The following SEMA6C variants were observed in gnomAD, a reference collection of about 807,000 sequenced individuals.
SEMA6C encodes semaphorin-6C.
In SEMA6C, 37 loss-of-function variants were observed where a neutral mutation model predicts 72.9. That is an observed-to-expected ratio of 0.51 (90% CI 0.39 to 0.67). SEMA6C has a LOEUF of 0.67. Among genes scored for constraint, SEMA6C ranks in the 30% least tolerant of loss-of-function variants. The pLI is 0.00. For missense variants in SEMA6C, 1,189 were observed against 1,263.6 expected (o/e 0.94, Z 0.89); for synonymous variants, 578 against 554.1 (o/e 1.04, Z -0.61).
rs1010599301 is a variant in SEMA6C at position 151,146,608 on chromosome 1, C to T, written c.-280G>A. ...GGAGAGCCCTGGGTCCAAGTCCAGC[C>T]GCGGATCCGCGGAGGAAAACAATGC... On this transcript the variant is annotated 5_prime_UTR_variant, in exon 1 of 19. Coordinates refer to ENST00000368914, the MANE Select transcript of SEMA6C (RefSeq NM_030913.6). This position sits in a 1 kb window ranked among gnomAD's most constrained non-coding sequence, Gnocchi z 4.6. 6.6e-6 allele frequency: 1 copy of T among 152,226 alleles called. No individual in the cohort carries two copies. The highest frequency in any genetic ancestry group is 2.4e-5 in the African/African-American group (1 of 41,464). 9.4% of individuals were successfully genotyped at this position (152,226 alleles called of 1,614,324 possible).
intron 3 of SEMA6C, among the ~76,000 whole-genome samples, chr1:151,140,771 G>T (rs1345263619): frequency 1.3e-5 from 2 of 152,202 alleles, no homozygotes; most frequent in Non-Finnish European, 2.9e-5. Context: ...GAGGCGGGCG[G>T]ATCACAAGGT....
intron 5 of SEMA6C, 25 bp downstream of exon 5, chr1:151,139,612 GC>G (rs1001539867): frequency 1.2e-5 from 20 of 1,605,604 alleles, no homozygotes; most frequent in Non-Finnish European, 1.7e-5. Context: ...CTCCACGTCT[GC>G]ACCTCTTCCC....
chr1:151,139,650 C>T lies in SEMA6C; in HGVS notation c.285G>A (p.Leu95=), dbSNP rs373444303. ...DLQAEEEGEG[L]VPNKYLTWRS... is the part of the protein sequence containing the mutation. ...CACAGCCCCTCACCTTGTTGGGCAC[C>T]AGCCCCTCCCCTTCTTCTTCGGCTT... The change falls in exon 5 of 19, where the codon CTG becomes CTA. Residue 95 remains leucine, a synonymous_variant. Coordinates refer to ENST00000368914, the MANE Select transcript of SEMA6C (RefSeq NM_030913.6). 3.9e-5 allele frequency: 63 copies of T among 1,607,232 alleles called. No homozygotes were observed. Among genetic ancestry groups the T allele is most frequent in the Non-Finnish European group, 5.2e-5 (61 of 1,174,934 alleles).
At chr1:151,137,409 G>A (rs1451609673) in intron 10 of SEMA6C, among the ~76,000 whole-genome samples, 2 of 138,712 alleles carry the variant, frequency 1.4e-5, no homozygotes, top group East Asian at 2.2e-4. Flanking sequence ...TGGCGCCACT[G>A]CACTCCAGCC....
chr1:151,140,813 T>C (rs1264480432), intron 3 of SEMA6C, among the ~76,000 whole-genome samples: 1 of 152,134 alleles, frequency 6.6e-6, no homozygotes, highest in Non-Finnish European at 1.5e-5. Flanking sequence ...GCTAACATGG[T>C]GAAACCCCAT....
At position 151,136,520 on chromosome 1, in the gene SEMA6C, C is replaced by G. The variant is rs1211588372; in HGVS notation, c.1034G>C (p.Gly345Ala). The change falls in exon 12 of 19, where the codon GGC becomes GCC. Residue 345 changes from glycine to alanine, a missense_variant. This residue lies in a region of SEMA6C where 468 missense variants were observed against 577.4 expected (regional missense o/e 0.81). Coordinates refer to ENST00000368914, the MANE Select transcript of SEMA6C (RefSeq NM_030913.6). ...YLDEIERGFEGKFKEQRSLDG... is the reference protein window; with the variant it reads ...YLDEIERGFEAKFKEQRSLDG... ...CAGACTCCTCTGCTCCTTGAACTTG[C>G]CCTCAAACCCACGCTCAATCTCATC... is the stretch of plus-strand genomic sequence containing the variant. 1 of 1,614,000 alleles carries G rather than the reference C, an allele frequency of 6.2e-7. No homozygotes were observed. Among genetic ancestry groups the G allele is most frequent in the South Asian group, 1.1e-5 (1 of 91,072 alleles).
chr1:151,137,082 A>G lies in SEMA6C; in HGVS notation c.757-8T>C, dbSNP rs1232779192. The stretch of plus-strand genomic sequence containing the variant: ...TACGCGGGAGAACTGCACCTAGGGG[A>G]GGAGAGTGGAGTAGACAATGGTGAG... On this transcript the variant is annotated splice_region_variant and splice_polypyrimidine_tract_variant and intron_variant, in intron 10 of 18. Coordinates refer to ENST00000368914, the MANE Select transcript of SEMA6C (RefSeq NM_030913.6). 6 of 1,611,460 alleles carry G rather than the reference A, an allele frequency of 3.7e-6. No individual in the cohort carries two copies. Among genetic ancestry groups the G allele is most frequent in the Admixed American group, 1.7e-5 (1 of 59,990 alleles).
At position 151,140,075 on chromosome 1, in the gene SEMA6C, G is replaced by A. The variant is rs760459222; in HGVS notation, c.134C>T (p.Ser45Phe). The A allele has an allele frequency of 6.2e-7, 1 of 1,613,932 alleles. No homozygotes were observed. The highest frequency in any genetic ancestry group is 8.5e-7 in the Non-Finnish European group (1 of 1,179,902). Residue 45 changes from serine (S) to phenylalanine (F), a missense_variant, in exon 4 of 19, where the codon TCC (serine) becomes TTC (phenylalanine). Transcript: ENST00000368914. ...ATCATCCTCCAGGCCCCGAAACCAG[G>A]ATAATGGGGAAGTACCTTGAGGACA... ...ISDLQGTSPL[S>F]WFRGLEDDAV...
Position 151,134,875 on chromosome 1 carries a change from C to G in SEMA6C, c.1581G>C (p.Arg527Ser), listed in dbSNP as rs1681889421. 2 of 1,613,750 alleles carry G rather than the reference C, an allele frequency of 1.2e-6. No individual in the cohort carries two copies. The highest frequency in any genetic ancestry group is 1.7e-6 in the Non-Finnish European group (2 of 1,179,654). Residue 527 changes from arginine to serine, a missense_variant and splice_region_variant, in exon 16 of 19, where the codon AGG becomes AGC. Around this residue, in one of 2 missense-constraint regions of SEMA6C, gnomAD observed 721 missense variants for 686.2 expected, o/e 1.05. Transcript: ENST00000368914. ...SRCARHGACQ[R>S]SCLASQDPYC... is the part of the protein sequence containing the mutation. ...ATGGGTCCTGAGAAGCCAAACAGCT[C>G]CTAGGGAAAACGGAGGTGTGTGAGG...
rs748984884 is a variant in SEMA6C, at chr1:151,139,647, C to T, written c.288G>A (p.Val96=). The T allele has an allele frequency of 6.2e-7, 1 of 1,607,414 alleles. No homozygotes were observed. Among genetic ancestry groups the T allele is most frequent in the South Asian group, 1.1e-5 (1 of 90,646 alleles). ...LQAEEEGEGL[V]PNKYLTWRSQ... ...CCACACAGCCCCTCACCTTGTTGGG[C>T]ACCAGCCCCTCCCCTTCTTCTTCGG... The change falls in exon 5 of 19, where the codon GTG becomes GTA. Residue 96 remains valine (V), a synonymous_variant. Coordinates refer to ENST00000368914, the MANE Select transcript of SEMA6C (RefSeq NM_030913.6).
chr1:151,135,971 A>G, intron 13 of SEMA6C, 40 bp downstream of exon 13: 1 of 1,612,602 alleles, frequency 6.2e-7, no homozygotes, highest in Non-Finnish European at 8.5e-7. Context: ...AGGGTGGCTG[A>G]GAACAGGGAG....
At position 151,137,737 on chromosome 1, in the gene SEMA6C, A is replaced by G. The variant is rs1354631668; in HGVS notation, c.730T>C (p.Ser244Pro). The G allele has an allele frequency of 3.7e-6, 6 of 1,613,590 alleles. No individual in the cohort carries two copies. Among genetic ancestry groups the G allele is most frequent in the Non-Finnish European group, 5.1e-6 (6 of 1,179,734 alleles). Residue 244 changes from serine to proline, a missense_variant, in exon 10 of 19, where the codon TCT (serine) becomes CCT (proline). Physicochemically the swap from Ser to Pro is moderately conservative, Grantham distance 74. Transcript: ENST00000368914. Reference protein sequence around the residue: ...DHVYFFFREVSVEDARLGRVQ... With the variant: ...DHVYFFFREVPVEDARLGRVQ... ...CTCCCCAGCCGAGCATCCTCCACAG[A>G]GACCTCGCGGAAGAAGAAGTAGACA...
In SEMA6C at chr1:151,140,132, C is replaced by A. The variant is rs368394625; in HGVS notation, c.119-42G>T. On this transcript the variant is annotated intron_variant, in intron 3 of 18. Transcript: ENST00000368914. Reference sequence around the variant, plus strand: ...GATAGGATTCTGAGGATACCACAAACTTCCCCAACACCCTCTCCAACCAGA... The same window carrying A: ...GATAGGATTCTGAGGATACCACAAAATTCCCCAACACCCTCTCCAACCAGA... 12 of 1,527,684 alleles carry A rather than the reference C, an allele frequency of 7.9e-6. No homozygotes were observed. The African/African-American group carries it at 1.4e-4, about 18-fold the overall frequency. 94.6% of individuals were successfully genotyped at this position (1,527,684 alleles called of 1,614,324 possible). A position where few individuals can be genotyped will look rare whatever the true frequency, so the allele number is the denominator to read the frequency against.
Position 151,133,980 on chromosome 1 carries a change from G to A in SEMA6C, c.1759+421C>T, listed in dbSNP as rs1681800483. Reference sequence around the variant, plus strand: ...CTTACCCCGAGTGTGAACTCCAAGAGTGGAAGACTGGGGCCGGGGGTGGGC... The same window carrying A: ...CTTACCCCGAGTGTGAACTCCAAGAATGGAAGACTGGGGCCGGGGGTGGGC... On this transcript the variant is annotated intron_variant, in intron 18 of 18. Transcript: ENST00000368914. This position sits in a 1 kb window ranked among gnomAD's most constrained non-coding sequence, Gnocchi z 5.9. 3 of 1,450,496 alleles carry A rather than the reference G, an allele frequency of 2.1e-6. No individual in the cohort carries two copies. Among genetic ancestry groups the A allele is most frequent in the Non-Finnish European group, 2.8e-6 (3 of 1,058,806 alleles). The allele number at this position is 1,450,496 out of a possible 1,614,324, so 89.9% of individuals were successfully genotyped here.
In SEMA6C at chr1:151,143,495, C is replaced by T. The variant is rs116988254; in HGVS notation, c.-54-820G>A. Reference sequence around the variant, plus strand: ...TGAGGGGGGAAGAGCAGACCCACCCCCTATGAGAAGCCAGGGGTACAAGGG... The same window carrying T: ...TGAGGGGGGAAGAGCAGACCCACCCTCTATGAGAAGCCAGGGGTACAAGGG... On this transcript the variant is annotated intron_variant, in intron 2 of 18. Coordinates refer to ENST00000368914, the MANE Select transcript of SEMA6C (RefSeq NM_030913.6). Among the ~76,000 whole-genome samples the T allele has an allele frequency of 1.7e-4, 26 of 152,292 alleles. No homozygotes were observed. The East Asian group carries it at 4.6e-3, about 27-fold the overall frequency.
intron 3 of SEMA6C, 25 bp downstream of exon 3, chr1:151,142,479 G>A: frequency 1.2e-6 from 2 of 1,612,998 alleles, no homozygotes; most frequent in Non-Finnish European, 1.7e-6. Flanking sequence ...ACAGAGATGG[G>A]GCAAGGTAGG....
In SEMA6C at chr1:151,139,716, A is replaced by G; in HGVS notation, c.234-15T>C. On this transcript the variant is annotated splice_polypyrimidine_tract_variant and intron_variant, in intron 4 of 18. Coordinates refer to ENST00000368914, the MANE Select transcript of SEMA6C (RefSeq NM_030913.6). ...AAACGTGATCCCTGAGGGGGTAGGT[A>G]AGGAGGGGTCAGAGCCTAGTCAAGG... 6.3e-7 allele frequency: 1 copy of G among 1,592,102 alleles called. No individual in the cohort carries two copies. Among genetic ancestry groups the G allele is most frequent in the Non-Finnish European group, 8.6e-7 (1 of 1,165,596 alleles).
At position 151,136,952 on chromosome 1, in the gene SEMA6C, A is replaced by C; in HGVS notation, c.879T>G (p.Ser293=). Residue 293 remains serine, a synonymous_variant, in exon 11 of 19, where the codon TCT becomes TCG. Coordinates refer to ENST00000368914, the MANE Select transcript of SEMA6C (RefSeq NM_030913.6). ...LRLNCSVPGD[S]TFYFDVLQAL... ...CCTGTAAAACATCAAAATAGAAAGTAGAGTCCCCAGGGACAGAGCAGTTGA... is the reference window on the plus strand; with the variant it reads ...CCTGTAAAACATCAAAATAGAAAGTCGAGTCCCCAGGGACAGAGCAGTTGA... 6.2e-7 allele frequency: 1 copy of C among 1,614,178 alleles called. No homozygotes were observed. The highest frequency in any genetic ancestry group is 1.1e-5 in the South Asian group (1 of 91,076).
intron 6 of SEMA6C, among the ~76,000 whole-genome samples, chr1:151,138,984 T>C (rs1196345809): frequency 6.6e-6 from 1 of 151,674 alleles, no homozygotes; most frequent in South Asian, 2.1e-4. Flanking sequence ...TCCCAGCTAC[T>C]TGGGAGGCTG....
Sources: allele counts gnomAD v4.1 joint callset (sites outside exome capture counted in the v4.1 genomes callset), GRCh38; gene constraint gnomAD v4.1.1; regional missense constraint gnomAD v4.1.1; non-coding constraint Gnocchi (gnomAD v3.1); transcripts MANE v1.5; gene names NCBI Gene and HGNC (gene_info 2026-07-23, HGNC 2026-07-21).